Variants in KIAA0825 observed in about 807,000 individuals in gnomAD.
KIAA0825 encodes uncharacterized protein KIAA0825.
In KIAA0825, 119 loss-of-function variants were observed where a neutral mutation model predicts 147.6. The observed-to-expected ratio is 0.81, with a 90% CI of 0.69 to 0.94. The LOEUF is 0.94. Ranked by LOEUF, KIAA0825 falls within the 40% of genes least tolerant of loss-of-function variation. The probability of loss-of-function intolerance (pLI) is 0.00; values close to 1 mark genes in which losing one functional copy is unlikely to be tolerated. For synonymous variants in KIAA0825, 470 were observed against 518.1 expected (o/e 0.91, Z 1.26); for missense variants, 1,381 against 1,472.7 (o/e 0.94, Z 1.02).
At chr5:94,520,068 C>T in intron 5 of KIAA0825, 180 bp downstream of exon 5, 1 of 1,127,404 alleles carries the variant, frequency 8.9e-7, no homozygotes, top group Non-Finnish European at 1.1e-6. Context: ...AAAGAAAATA[C>T]TTTTATAACT....
rs192506956 is a variant in KIAA0825, at chr5:94,205,713, C to T, written c.3711-51589G>A. On this transcript the variant is annotated intron_variant, in intron 20 of 20. Transcript: ENST00000682413. Reference sequence around the variant, plus strand: ...AGAATGTTGTCTTTATATTTCGGATCATATTTTCTTGCCCTGGAAATGTTG... The same window carrying T: ...AGAATGTTGTCTTTATATTTCGGATTATATTTTCTTGCCCTGGAAATGTTG... Among the ~76,000 whole-genome samples, 205 of 152,204 alleles carry T rather than the reference C, an allele frequency of 1.3e-3. 1 individual carries two copies. The highest frequency in any genetic ancestry group is 4.7e-3 in the African/African-American group (197 of 41,544).
At chr5:94,190,427 G>T (rs186506190) in intron 20 of KIAA0825, among the ~76,000 whole-genome samples, 1 of 151,160 alleles carries the variant, frequency 6.6e-6, no homozygotes, top group African/African-American at 2.4e-5. Context: ...CTGGATTCAC[G>T]CCATTCTCCT....
chr5:94,418,885 T>C lies in KIAA0825; in HGVS notation c.2498-1520A>G, dbSNP rs977455745. On this transcript the variant is annotated intron_variant, in intron 14 of 20. Transcript: ENST00000682413. ...CAAATTCAGCCCTCCCACCCCCTTT[T>C]ATTTTCTTTTGAGATAGGGTCTCAC... Among the ~76,000 whole-genome samples the C allele has an allele frequency of 2.6e-5, 4 of 152,060 alleles. No homozygotes were observed. In the East Asian group the frequency reaches 5.8e-4, roughly 22 times the overall value.
chr5:94,514,907 A>T (rs189884455), intron 5 of KIAA0825, among the ~76,000 whole-genome samples: 2 of 152,328 alleles, frequency 1.3e-5, no homozygotes, highest in Admixed American at 1.3e-4. Context: ...ACTATGAAAA[A>T]AAAGGTGTCT....
At chr5:94,476,936 C>A (rs1041027002) in intron 7 of KIAA0825, among the ~76,000 whole-genome samples, 175 bp downstream of exon 7, 1 of 152,008 alleles carries the variant, frequency 6.6e-6, no homozygotes, top group Non-Finnish European at 1.5e-5. Flanking sequence ...AAGACAGCAT[C>A]CCCACTAAAG....
chr5:94,386,141 G>T, intron 19 of KIAA0825, 101 bp downstream of exon 19: 1 of 1,066,718 alleles, frequency 9.4e-7, no homozygotes, highest in Non-Finnish European at 1.3e-6. Flanking sequence ...TTGCTTCCTA[G>T]CAAAATAAGC....
In KIAA0825 at chr5:94,183,730, A is replaced by C. The variant is rs574824819; in HGVS notation, c.3711-29606T>G. Among the ~76,000 whole-genome samples the C allele has an allele frequency of 2.0e-5, 3 of 152,326 alleles. No homozygotes were observed. In the South Asian group the frequency reaches 6.2e-4, roughly 32 times the overall value. ...CACATCCACATGCCAGGAGGGTGGC[A>C]CATCTCTACTCTGCAGAAGCTTTTG... On this transcript the variant is annotated intron_variant, in intron 20 of 20. Transcript: ENST00000682413.
At chr5:94,262,992 C>A (rs1776571986) in intron 20 of KIAA0825, among the ~76,000 whole-genome samples, 1 of 152,072 alleles carries the variant, frequency 6.6e-6, no homozygotes, top group African/African-American at 2.4e-5. Context: ...AAATGGACAC[C>A]CAGAAGCCAA....
intron 20 of KIAA0825, among the ~76,000 whole-genome samples, chr5:94,184,748 T>C (rs1412581028): frequency 6.6e-6 from 1 of 152,184 alleles, no homozygotes; most frequent in Admixed American, 6.5e-5. Context: ...TAAAAAATAT[T>C]AGGGTTTAAA....
intron 2 of KIAA0825, among the ~76,000 whole-genome samples, chr5:94,572,283 C>T (rs1463143576): frequency 2.0e-5 from 3 of 152,200 alleles, no homozygotes; most frequent in Admixed American, 2.0e-4. Context: ...AAGGAGTTAG[C>T]TGTACCTAAC....
chr5:94,228,077 A>G (rs781261539), intron 20 of KIAA0825, among the ~76,000 whole-genome samples: 16 of 152,138 alleles, frequency 1.1e-4, no homozygotes, highest in Non-Finnish European at 1.9e-4. Context: ...CATGAAATAA[A>G]CCTTTATTCT....
At chr5:94,575,312 T>C (rs148623694) in intron 2 of KIAA0825, among the ~76,000 whole-genome samples, 3 of 150,826 alleles carry the variant, frequency 2.0e-5, no homozygotes, top group African/African-American at 7.3e-5. Context: ...GGAAGATAAT[T>C]AGTAGATATG....
chr5:94,288,596 C>G (rs529892700), intron 20 of KIAA0825, among the ~76,000 whole-genome samples: 3 of 152,222 alleles, frequency 2.0e-5, no homozygotes, highest in South Asian at 4.1e-4. Flanking sequence ...AGATTTAGCA[C>G]CAAACCTGAG....
chr5:94,330,574 A>C (rs1276377057), intron 20 of KIAA0825, among the ~76,000 whole-genome samples: 2 of 152,210 alleles, frequency 1.3e-5, no homozygotes, highest in Non-Finnish European at 2.9e-5. Context: ...CAGTGCAGGG[A>C]AATTTATAAC....
chr5:94,572,003 G>A (rs1430851510), intron 2 of KIAA0825, among the ~76,000 whole-genome samples: 1 of 151,910 alleles, frequency 6.6e-6, no homozygotes, highest in Admixed American at 6.6e-5. Context: ...TGGGAGCATT[G>A]CTTGAGCCCA....
chr5:94,191,122 A>G (rs1770640130), intron 20 of KIAA0825, among the ~76,000 whole-genome samples: 1 of 152,182 alleles, frequency 6.6e-6, no homozygotes, highest in Non-Finnish European at 1.5e-5. Flanking sequence ...TTAAAATCAC[A>G]TATTTTTTCT....
chr5:94,471,047 C>T (rs983132298), intron 9 of KIAA0825, among the ~76,000 whole-genome samples: 1 of 152,102 alleles, frequency 6.6e-6, no homozygotes, highest in Non-Finnish European at 1.5e-5. Flanking sequence ...ATATGTTTAC[C>T]TTGATCATTA....
chr5:94,502,091 A>G (rs893781966), intron 5 of KIAA0825, among the ~76,000 whole-genome samples: 1 of 152,174 alleles, frequency 6.6e-6, no homozygotes, highest in Non-Finnish European at 1.5e-5. Flanking sequence ...GGTACACACC[A>G]AACTATTAAC....
chr5:94,268,586 G>C (rs1461445898), intron 20 of KIAA0825, among the ~76,000 whole-genome samples: 1 of 152,104 alleles, frequency 6.6e-6, no homozygotes, highest in Non-Finnish European at 1.5e-5. Context: ...GAGATGAAGA[G>C]ACCACTAGCA....
Sources: allele counts gnomAD v4.1 joint callset (sites outside exome capture counted in the v4.1 genomes callset), GRCh38; gene constraint gnomAD v4.1.1; transcripts MANE v1.5; gene names NCBI Gene and HGNC (gene_info 2026-07-23, HGNC 2026-07-21).